ALG11: variants seen among roughly 807,000 people sequenced by gnomAD.
The protein encoded by ALG11 is GDP-Man:Man(3)GlcNAc(2)-PP-Dol alpha-1,2-mannosyltransferase.
Under a neutral mutation model 38.8 loss-of-function variants are expected in ALG11, and 26 were observed. The ratio of observed to expected loss-of-function variants is 0.67; its 90% CI spans 0.49 to 0.93. The LOEUF is 0.93. ALG11 is among the 40% of genes least tolerant of loss of function. The probability of loss-of-function intolerance (pLI) is 0.00; values close to 1 mark genes in which losing one functional copy is unlikely to be tolerated. For missense variants in ALG11, 535 were observed against 578.8 expected (o/e 0.92, Z 0.78); for synonymous variants, 199 against 211.6 (o/e 0.94, Z 0.52).
chr13:52,021,856 C>A (rs1046777869), intron 2 of ALG11: 1 of 152,070 alleles, frequency 6.6e-6, no homozygotes, highest in Non-Finnish European at 1.5e-5. Context: ...ATAGCAATCT[C>A]GGGCTGGTTG....
Position 52,023,991 on chromosome 13 carries a change from T to TAGGTTA in ALG11, c.276-14_276-13insGGTTAA. The TAGGTTA allele has an allele frequency of 1.9e-6, 3 of 1,612,692 alleles. No homozygotes were observed. Among genetic ancestry groups the TAGGTTA allele is most frequent in the Non-Finnish European group, 2.5e-6 (3 of 1,178,796 alleles). ...TGTAACTTAATATATTCTTAACCAT[T>TAGGTTA]ACATTCTATTTTAGGTATCCTGAAG... is the stretch of plus-strand genomic sequence containing the variant. On this transcript the variant is annotated splice_polypyrimidine_tract_variant and intron_variant, in intron 2 of 3. Transcript: ENST00000521508.
At chr13:52,019,489 G>C (rs1954167047) in intron 2 of ALG11, among the ~76,000 whole-genome samples, 1 of 151,844 alleles carries the variant, frequency 6.6e-6, no homozygotes, top group Non-Finnish European at 1.5e-5. Context: ...CCAAAGTGTT[G>C]GTATTACAGG....
At chr13:52,019,552 G>A (rs1467144882) in intron 2 of ALG11, among the ~76,000 whole-genome samples, 1 of 152,094 alleles carries the variant, frequency 6.6e-6, no homozygotes, top group Non-Finnish European at 1.5e-5. Context: ...AGTAAAAAAT[G>A]AATTCCTTTT....
rs1954320655 is a variant in ALG11 at position 52,033,070 on chromosome 13, A to G, written c.*4480A>G. ...CTTATTTCTTCAAAATTATTTTCAT[A>G]TATCACAGATATATCATTGGAAGAT... On this transcript the variant is annotated 3_prime_UTR_variant, in exon 4 of 4. Transcript: ENST00000521508. 1 of 167,128 alleles carries G rather than the reference A, an allele frequency of 6.0e-6. No individual in the cohort carries two copies. The highest frequency in any genetic ancestry group is 2.1e-4 in the South Asian group (1 of 4,836). 10.4% of individuals were successfully genotyped at this position (167,128 alleles called of 1,614,324 possible).
At position 52,031,770 on chromosome 13, in the gene ALG11, T is replaced by A. The variant is rs1954308306; in HGVS notation, c.*3180T>A. The A allele has an allele frequency of 6.0e-6, 1 of 167,130 alleles. No individual in the cohort carries two copies. The highest frequency in any genetic ancestry group is 1.9e-4 in the East Asian group (1 of 5,210). 10.4% of individuals were successfully genotyped at this position (167,130 alleles called of 1,614,324 possible). On this transcript the variant is annotated 3_prime_UTR_variant, in exon 4 of 4. Coordinates refer to ENST00000521508, the MANE Select transcript of ALG11 (RefSeq NM_001004127.3). The stretch of plus-strand genomic sequence containing the variant: ...AGCACATCTGGGCCTACCTTCAGCT[T>A]CTTCATTTACAAACTTCTGACCTTT...
intron 1 of ALG11, among the ~76,000 whole-genome samples, chr13:52,018,522 A>AT (rs892899186): frequency 2.0e-5 from 3 of 151,930 alleles, no homozygotes; most frequent in East Asian, 1.9e-4. Context: ...CAAAAGACAT[A>AT]TTTTTTTTGG....
chr13:52,013,638 G>A (rs1174312333), intron 1 of ALG11, among the ~76,000 whole-genome samples: 1 of 152,212 alleles, frequency 6.6e-6, no homozygotes, highest in Non-Finnish European at 1.5e-5. Context: ...CATTATATGG[G>A]TCAGCTGCAT....
chr13:52,014,345 T>C (rs988063549), intron 1 of ALG11, among the ~76,000 whole-genome samples: 2 of 152,148 alleles, frequency 1.3e-5, no homozygotes, highest in Admixed American at 1.3e-4. Context: ...AATAAAAATA[T>C]GTTAATGTGT....
rs766400927 is a variant in ALG11, at chr13:52,024,435, C to T, written c.705C>T (p.Ile235=). The T allele has an allele frequency of 1.2e-6, 2 of 1,613,986 alleles. No individual in the cohort carries two copies. The highest frequency in any genetic ancestry group is 1.7e-6 in the Non-Finnish European group (2 of 1,179,922). The part of the protein sequence containing the change: ...RNPFLSKVKL[I]YYYLFAFIYG... ...CTTTTCTCAGCAAAGTAAAGCTCAT[C>T]TACTACTATTTATTTGCTTTTATTT... The change falls in exon 3 of 4, where the codon ATC becomes ATT. Residue 235 remains isoleucine, a synonymous_variant. Transcript: ENST00000521508.
At position 52,030,241 on chromosome 13, in the gene ALG11, G is replaced by A; in HGVS notation, c.*1651G>A. On this transcript the variant is annotated 3_prime_UTR_variant, in exon 4 of 4. Coordinates refer to ENST00000521508, the MANE Select transcript of ALG11 (RefSeq NM_001004127.3). ...CCAGGAAGCAAAAAGCAAGTTCAGA[G>A]GGGACTGTTCCCCAGGTCCAGAGAG... 1 of 1,614,224 alleles carries A rather than the reference G, an allele frequency of 6.2e-7. No individual in the cohort carries two copies. Among genetic ancestry groups the A allele is most frequent in the Non-Finnish European group, 8.5e-7 (1 of 1,180,042 alleles).
At chr13:52,019,936 CAAAA>C (rs1485375460) in intron 2 of ALG11, among the ~76,000 whole-genome samples, 1 of 151,884 alleles carries the variant, frequency 6.6e-6, no homozygotes, top group Non-Finnish European at 1.5e-5. Flanking sequence ...CAAGGGAAAA[CAAAA>C]AAGAAAGAAA....
In ALG11 at chr13:52,024,657, T is replaced by C. The variant is rs1418008701; in HGVS notation, c.927T>C (p.Phe309=). The part of the protein sequence containing the change: ...PGHLLVSVGQ[F]RPEKNHPLQI... The stretch of plus-strand genomic sequence containing the variant: ...ATTTGCTGGTTTCTGTTGGCCAGTT[T>C]AGGCCGGAAAAGAATCATCCATTGC... The change falls in exon 3 of 4, where the codon TTT becomes TTC. Residue 309 remains phenylalanine, a synonymous_variant. Coordinates refer to ENST00000521508, the MANE Select transcript of ALG11 (RefSeq NM_001004127.3). 1 of 1,614,010 alleles carries C rather than the reference T, an allele frequency of 6.2e-7. No homozygotes were observed. Among genetic ancestry groups the C allele is most frequent in the East Asian group, 2.2e-5 (1 of 44,892 alleles).
intron 1 of ALG11, among the ~76,000 whole-genome samples, chr13:52,018,020 A>G (rs1288287182): frequency 3.9e-5 from 6 of 152,218 alleles, no homozygotes; most frequent in African/African-American, 1.4e-4. Flanking sequence ...AGTATGAAAA[A>G]TATTAAGTTA....
chr13:52,019,216 C>CAT, intron 2 of ALG11, 73 bp downstream of exon 2: 5 of 447,024 alleles, frequency 1.1e-5, no homozygotes, highest in Non-Finnish European at 1.8e-5. Context: ...AGAAATTCAT[C>CAT]TTTTTTTTTT....
rs376414131 is a variant in ALG11 at position 52,029,759 on chromosome 13, C to A, written c.*1169C>A. The A allele has an allele frequency of 6.2e-7, 1 of 1,614,130 alleles. No homozygotes were observed. The highest frequency in any genetic ancestry group is 2.2e-5 in the East Asian group (1 of 44,878). ...TATGGCCAAATATGACCTGGAGGCT[C>A]GCCAAGCTATGCAGGAACAGTTGGC... On this transcript the variant is annotated 3_prime_UTR_variant, in exon 4 of 4. Coordinates refer to ENST00000521508, the MANE Select transcript of ALG11 (RefSeq NM_001004127.3).
intron 2 of ALG11, chr13:52,022,099 C>T (rs1954188907): frequency 1.3e-5 from 2 of 152,240 alleles, no homozygotes; most frequent in African/African-American, 4.8e-5. Context: ...GGCACAGTGG[C>T]TCACACCTGT....
chr13:52,030,088 TAG>T lies in ALG11; in HGVS notation c.*1500_*1501del, dbSNP rs777711254. On this transcript the variant is annotated 3_prime_UTR_variant, in exon 4 of 4. Transcript: ENST00000521508. ...GAGAATTTGAGGAAAGGCAATCCCT[TAG>T]AAAAAGATCTGAGCTCAACCAGGAT... 1 of 1,614,100 alleles carries T rather than the reference TAG, an allele frequency of 6.2e-7. No homozygotes were observed. The highest frequency in any genetic ancestry group is 8.5e-7 in the Non-Finnish European group (1 of 1,180,028).
chr13:52,017,952 AT>A (rs1221287665), intron 1 of ALG11, among the ~76,000 whole-genome samples: 1 of 152,128 alleles, frequency 6.6e-6, no homozygotes. Flanking sequence ...AACTTTTGGC[AT>A]TTTATTGTTT....
Position 52,032,629 on chromosome 13 carries a change from A to G in ALG11, c.*4039A>G, listed in dbSNP as rs1223560588. 1 of 167,078 alleles carries G rather than the reference A, an allele frequency of 6.0e-6. No individual in the cohort carries two copies. Among genetic ancestry groups the G allele is most frequent in the Non-Finnish European group, 1.5e-5 (1 of 68,126 alleles). The allele number at this position is 167,078 out of a possible 1,614,324, so 10.3% of individuals were successfully genotyped here. On this transcript the variant is annotated 3_prime_UTR_variant, in exon 4 of 4. Transcript: ENST00000521508. ...CTACTCCCAATTATGTTGTTGATAC[A>G]TCTCCAAGCCATCTGTCATCAGATC...
Sources: gnomAD v4.1 joint callset for allele counts (sites outside exome capture counted in the v4.1 genomes callset) on GRCh38, gnomAD v4.1.1 for gene constraint, MANE v1.5 for transcripts, NCBI Gene and HGNC (gene_info 2026-07-23, HGNC 2026-07-21) for gene names.